GAD2: variants seen among roughly 807,000 people sequenced by gnomAD.
The protein encoded by GAD2 is 65 kDa glutamic acid decarboxylase.
GAD2 carries 22 observed loss-of-function variants against 80.1 expected under a neutral mutation model. The ratio of observed to expected loss-of-function variants is 0.27; its 90% CI spans 0.20 to 0.39. The LOEUF is 0.39. Ranked by LOEUF, GAD2 falls within the 10% of genes least tolerant of loss-of-function variation. The probability of loss-of-function intolerance (pLI) is 1.00; values close to 1 mark genes in which losing one functional copy is unlikely to be tolerated. For synonymous variants in GAD2, 274 were observed against 256.9 expected (o/e 1.07, Z -0.64); for missense variants, 624 against 738.4 (o/e 0.85, Z 1.80).
At chr10:26,272,657 A>T (rs969251336) in intron 10 of GAD2, among the ~76,000 whole-genome samples, 5 of 152,232 alleles carry the variant, frequency 3.3e-5, no homozygotes, top group Non-Finnish European at 7.3e-5. Context: ...TGAAGTCAGA[A>T]GTTCGAGACC....
intron 12 of GAD2, among the ~76,000 whole-genome samples, chr10:26,284,016 G>A (rs1013664011): frequency 1.3e-5 from 2 of 152,204 alleles, no homozygotes; most frequent in African/African-American, 4.8e-5. Context: ...AAGTTAATAA[G>A]GGGAGGAGAT....
chr10:26,249,489 A>G (rs1844853103), intron 8 of GAD2, among the ~76,000 whole-genome samples: 1 of 152,156 alleles, frequency 6.6e-6, no homozygotes, highest in Non-Finnish European at 1.5e-5. Flanking sequence ...ATGGGTGAGG[A>G]GCCTGGAGTT....
intron 13 of GAD2, among the ~76,000 whole-genome samples, chr10:26,286,967 C>T (rs1006223214): frequency 1.3e-5 from 2 of 152,166 alleles, no homozygotes; most frequent in African/African-American, 4.8e-5. Flanking sequence ...TTATTTCCCC[C>T]TAATCTCCCA....
intron 8 of GAD2, among the ~76,000 whole-genome samples, chr10:26,263,404 T>C (rs1487529075): frequency 6.6e-6 from 1 of 152,240 alleles, no homozygotes; most frequent in Non-Finnish European, 1.5e-5. Context: ...ACTTCTTAAA[T>C]GGTCAGTTTT....
At chr10:26,249,189 A>G (rs1453977396) in intron 8 of GAD2, among the ~76,000 whole-genome samples, 1 of 152,078 alleles carries the variant, frequency 6.6e-6, no homozygotes, top group African/African-American at 2.4e-5. Context: ...CAGCCTCCCT[A>G]GTAGCTGGGA....
At chr10:26,298,041 C>T (rs1834293760) in intron 15 of GAD2, among the ~76,000 whole-genome samples, 1 of 152,196 alleles carries the variant, frequency 6.6e-6, no homozygotes, top group Admixed American at 6.5e-5. Context: ...CTATAAGCTG[C>T]TAAAACTGGC....
In GAD2 at chr10:26,270,681, C is replaced by T. The variant is rs1805397; in HGVS notation, c.1017C>T (p.Thr339=). 26,560 of 1,613,916 alleles carry T rather than the reference C, an allele frequency of 0.016. 240 individuals are homozygous for T. Among genetic ancestry groups the T allele is most frequent in the Non-Finnish European group, 0.02 (23,128 of 1,179,832 alleles). The part of the protein sequence containing the change: ...PFLVSATAGT[T]VYGAFDPLLA... ...TCGTGAGTGCCACAGCTGGAACCAC[C>T]GTGTACGGAGCATTTGACCCCCTCT... is the stretch of plus-strand genomic sequence containing the variant. The change falls in exon 10 of 16, where the codon ACC becomes ACT. Residue 339 remains threonine (T), a synonymous_variant. Coordinates refer to ENST00000376261, the MANE Select transcript of GAD2 (RefSeq NM_001134366.2).
chr10:26,258,720 T>G (rs1272346166), intron 8 of GAD2, among the ~76,000 whole-genome samples: 1 of 152,214 alleles, frequency 6.6e-6, no homozygotes, highest in East Asian at 1.9e-4. Context: ...TCCTTCCTTT[T>G]TAAGGCTGAA....
At chr10:26,262,751 G>T (rs145897462) in intron 8 of GAD2, among the ~76,000 whole-genome samples, 323 of 151,888 alleles carry the variant, frequency 2.1e-3, no homozygotes, top group Admixed American at 4.3e-3. Flanking sequence ...TTAATGTTCT[G>T]TAACTGCCAT....
Position 26,269,102 on chromosome 10 carries a change from T to C in GAD2, c.921-17T>C. 1.3e-6 allele frequency: 2 copies of C among 1,581,200 alleles called. No homozygotes were observed. Among genetic ancestry groups the C allele is most frequent in the East Asian group, 2.3e-5 (1 of 44,182 alleles). ...GCAAATTATTCAAAGCAAATCTATA[T>C]TTCTTTTTCCTTCCAGAGGGAAAAT... On this transcript the variant is annotated splice_polypyrimidine_tract_variant and intron_variant, in intron 8 of 15. Coordinates refer to ENST00000376261, the MANE Select transcript of GAD2 (RefSeq NM_001134366.2).
intron 3 of GAD2, among the ~76,000 whole-genome samples, chr10:26,218,834 T>TG (rs1450250460): frequency 6.6e-6 from 1 of 152,208 alleles, no homozygotes; most frequent in Admixed American, 6.5e-5. Flanking sequence ...GTAATTAATT[T>TG]GGGGAAGAGA....
chr10:26,237,073 C>T lies in GAD2; in HGVS notation c.840+7296C>T, dbSNP rs556277988. Among the ~76,000 whole-genome samples, 25 of 152,264 alleles carry T rather than the reference C, an allele frequency of 1.6e-4. 1 individual carries two copies. The South Asian group carries it at 5.2e-3, about 32-fold the overall frequency. On this transcript the variant is annotated intron_variant, in intron 7 of 15. Coordinates refer to ENST00000376261, the MANE Select transcript of GAD2 (RefSeq NM_001134366.2). ...AGATGCTTCCTTTATTCCTCCCTTC[C>T]TTTAGTGCTGCAGGCGCCAGGCGTT...
chr10:26,232,677 A>G (rs1444245064), intron 7 of GAD2, among the ~76,000 whole-genome samples: 3 of 151,662 alleles, frequency 2.0e-5, no homozygotes, highest in Non-Finnish European at 4.4e-5. Flanking sequence ...TAATTTTTGT[A>G]TTTTTAGTAG....
In GAD2 at chr10:26,263,337, C is replaced by A. The variant is rs188079278; in HGVS notation, c.921-5782C>A. On this transcript the variant is annotated intron_variant, in intron 8 of 15. Coordinates refer to ENST00000376261, the MANE Select transcript of GAD2 (RefSeq NM_001134366.2). ...CACTATTTATAGCAAATAGGAAGTT[C>A]ACTATTTATAATTATGGTAAAATTC... Among the ~76,000 whole-genome samples the A allele has an allele frequency of 7.2e-4, 109 of 152,214 alleles. 3 individuals carry two copies. The East Asian group carries it at 0.016, about 22-fold the overall frequency.
chr10:26,250,075 A>C (rs370523724), intron 8 of GAD2, among the ~76,000 whole-genome samples: 5 of 152,006 alleles, frequency 3.3e-5, no homozygotes, highest in East Asian at 1.9e-4. Context: ...CCCAGGCTGG[A>C]GTGCAGTAGC....
At position 26,303,122 on chromosome 10, in the gene GAD2, A is replaced by G. The variant is rs1172731547; in HGVS notation, c.*2161A>G. The G allele has an allele frequency of 6.6e-6, 1 of 152,210 alleles. No individual in the cohort carries two copies. Among genetic ancestry groups the G allele is most frequent in the Non-Finnish European group, 1.5e-5 (1 of 68,042 alleles). The allele number at this position is 152,210 out of a possible 1,614,324, so 9.4% of individuals were successfully genotyped here. ...ACCCTGCTGTACTCCAGGATGCTTT[A>G]TCTTTTGAGTTACAGATCCTAGATT... On this transcript the variant is annotated 3_prime_UTR_variant, in exon 16 of 16. Coordinates refer to ENST00000376261, the MANE Select transcript of GAD2 (RefSeq NM_001134366.2).
rs886632997 is a variant in GAD2, at chr10:26,281,159, T to C, written c.1236+72T>C. ...CTGTCTTTATGCGGTTGACTTTCTC[T>C]GGAAATGTCAAGATCACCGGGTCTT... On this transcript the variant is annotated intron_variant, in intron 12 of 15. Coordinates refer to ENST00000376261, the MANE Select transcript of GAD2 (RefSeq NM_001134366.2). 9 of 1,129,912 alleles carry C rather than the reference T, an allele frequency of 8.0e-6. No homozygotes were observed. The South Asian group carries it at 8.8e-5, about 11-fold the overall frequency. The allele number at this position is 1,129,912 out of a possible 1,614,324, so 70.0% of individuals were successfully genotyped here. A position where few individuals can be genotyped will look rare whatever the true frequency, so the allele number is the denominator to read the frequency against.
Position 26,223,745 on chromosome 10 carries a change from G to A in GAD2, c.521-142G>A, listed in dbSNP as rs151067652. 1.3e-3 allele frequency: 727 copies of A among 559,042 alleles called. 7 individuals carry two copies. Among genetic ancestry groups the A allele is most frequent in the African/African-American group, 0.012 (648 of 53,966 alleles). 34.6% of individuals were successfully genotyped at this position (559,042 alleles called of 1,614,324 possible). ...TGTGTGTGTTCTTGTGCATACACAC[G>A]TGTGTACATGTTGGATTTCTACTTA... On this transcript the variant is annotated intron_variant, in intron 4 of 15. Coordinates refer to ENST00000376261, the MANE Select transcript of GAD2 (RefSeq NM_001134366.2).
At chr10:26,267,599 T>C (rs1250646734) in intron 8 of GAD2, among the ~76,000 whole-genome samples, 1 of 152,188 alleles carries the variant, frequency 6.6e-6, no homozygotes, top group African/African-American at 2.4e-5. Flanking sequence ...GTAATGCCCC[T>C]TTTTCCATTC....
Sources: gnomAD v4.1 joint callset for allele counts (sites outside exome capture counted in the v4.1 genomes callset) on GRCh38, gnomAD v4.1.1 for gene constraint, MANE v1.5 for transcripts, NCBI Gene and HGNC (gene_info 2026-07-23, HGNC 2026-07-21) for gene names.